RPS6KA2: variants seen among roughly 807,000 people sequenced by gnomAD.
The protein encoded by RPS6KA2 is ribosomal protein S6 kinase A2, also known as ribosomal protein S6 kinase alpha-2.
A neutral mutation model predicts 91.8 loss-of-function variants in RPS6KA2; 42 were observed. That is an observed-to-expected ratio of 0.46 (90% CI 0.36 to 0.59). The LOEUF (loss-of-function observed/expected upper bound fraction) is 0.59, where lower values mean the gene tolerates loss of function less well. Ranked by LOEUF, RPS6KA2 falls within the 20% of genes least tolerant of loss-of-function variation. The pLI, the probability that RPS6KA2 is intolerant of heterozygous loss-of-function variation, is 0.00. For synonymous variants in RPS6KA2, 414 were observed against 393.6 expected (o/e 1.05, Z -0.61); for missense variants, 798 against 978.5 (o/e 0.82, Z 2.46).
chr6:166,748,533 G>A (rs1436916305), intron 2 of RPS6KA2, among the ~76,000 whole-genome samples: 222 of 137,590 alleles, frequency 1.6e-3, no homozygotes, highest in African/African-American at 3.5e-3. Flanking sequence ...CCACCTCCTC[G>A]GGCCCCCCAT....
At chr6:166,718,578 A>G (rs1790086464) in intron 2 of RPS6KA2, among the ~76,000 whole-genome samples, 1 of 152,260 alleles carries the variant, frequency 6.6e-6, no homozygotes, top group Middle Eastern at 3.2e-3. Context: ...ACAAGACACG[A>G]GTATTTGTAC....
intron 10 of RPS6KA2, among the ~76,000 whole-genome samples, chr6:166,478,358 G>A (rs890851059): frequency 2.6e-5 from 4 of 152,176 alleles, no homozygotes; most frequent in African/African-American, 9.7e-5. Flanking sequence ...TTCAGCCACC[G>A]GCAAGGTTCC....
chr6:166,736,943 A>G (rs1024554605), intron 2 of RPS6KA2, among the ~76,000 whole-genome samples: 2 of 151,992 alleles, frequency 1.3e-5, no homozygotes, highest in East Asian at 1.9e-4. Flanking sequence ...AAAATGGGAA[A>G]ATCCCTGAAG....
At chr6:166,422,034 G>A (rs1778738749) in intron 17 of RPS6KA2, among the ~76,000 whole-genome samples, 1 of 151,976 alleles carries the variant, frequency 6.6e-6, no homozygotes, top group African/African-American at 2.4e-5. Flanking sequence ...TGAGTAGCTG[G>A]GACTGTGGGC....
chr6:166,480,515 A>ATAAT (rs1438315609), intron 10 of RPS6KA2, among the ~76,000 whole-genome samples: 1 of 84,366 alleles, frequency 1.2e-5, no homozygotes, highest in African/African-American at 6.1e-5. Context: ...ATATATATAT[A>ATAAT]ATATATTTTT....
intron 2 of RPS6KA2, among the ~76,000 whole-genome samples, chr6:166,798,766 C>T (rs2128617113): frequency 6.6e-6 from 1 of 152,344 alleles, no homozygotes; most frequent in East Asian, 1.9e-4. Flanking sequence ...TTACAATCTC[C>T]TGCCCCCTTC....
At chr6:166,656,499 C>T (rs538122279) in intron 2 of RPS6KA2, among the ~76,000 whole-genome samples, 4 of 152,364 alleles carry the variant, frequency 2.6e-5, no homozygotes, top group Non-Finnish European at 4.4e-5. Context: ...AGGCCTGTGC[C>T]TCCTGAATGA....
chr6:166,608,421 T>A (rs1159318498), intron 1 of RPS6KA2, among the ~76,000 whole-genome samples: 1 of 152,240 alleles, frequency 6.6e-6, no homozygotes, highest in East Asian at 1.9e-4. Context: ...AATGCTTGAC[T>A]CAAAATTCTT....
intron 1 of RPS6KA2, among the ~76,000 whole-genome samples, chr6:166,574,530 G>A (rs922772795): frequency 6.6e-6 from 1 of 152,192 alleles, no homozygotes; most frequent in African/African-American, 2.4e-5. Flanking sequence ...TCACGTATAT[G>A]TACCACATTT....
At position 166,745,213 on chromosome 6, in the gene RPS6KA2, G is replaced by A. The variant is rs144822675; in HGVS notation, c.123+112987C>T. On this transcript the variant is annotated intron_variant, in intron 2 of 21. Transcript: ENST00000503859. The stretch of plus-strand genomic sequence containing the variant: ...GTTGCCCAGGCTGGAGTGCAGTGGC[G>A]CCATCTCGGCTCACTGCAACCTCTG... 3.8e-3 allele frequency among the ~76,000 whole-genome samples: 567 copies of A among 148,968 alleles called. 3 individuals are homozygous for A. The highest frequency in any genetic ancestry group is 0.013 in the African/African-American group (518 of 40,242).
intron 10 of RPS6KA2, 131 bp from the exon 11 acceptor site, chr6:166,470,036 C>T: frequency 2.5e-6 from 2 of 793,380 alleles, no homozygotes; most frequent in Non-Finnish European, 4.2e-6. Context: ...AGGCTGCTCA[C>T]TCCTGCCCAA....
intron 2 of RPS6KA2, among the ~76,000 whole-genome samples, chr6:166,671,446 G>A (rs1377091055): frequency 1.3e-5 from 2 of 152,104 alleles, no homozygotes; most frequent in Non-Finnish European, 2.9e-5. Flanking sequence ...CACTACTCCT[G>A]GAGCCCCCAT....
upstream of RPS6KA2, among the ~76,000 whole-genome samples, chr6:166,628,634 G>C (rs1007659782): frequency 6.6e-6 from 1 of 152,248 alleles, no homozygotes; most frequent in Non-Finnish European, 1.5e-5. Flanking sequence ...GAGCGGTGCT[G>C]CTCCGGAGTG....
intron 2 of RPS6KA2, chr6:166,702,749 C>G (rs1789562278): frequency 1.1e-5 from 13 of 1,235,306 alleles, no homozygotes; most frequent in African/African-American, 1.5e-5. Flanking sequence ...AGGAAGGGTC[C>G]CGACACGGGG....
chr6:166,415,061 T>C (rs752203580), intron 19 of RPS6KA2, among the ~76,000 whole-genome samples: 3 of 151,852 alleles, frequency 2.0e-5, no homozygotes, highest in Non-Finnish European at 2.9e-5. Context: ...CAAGAGTCCA[T>C]CTCAAACAAA....
chr6:166,504,427 A>G (rs1477497214), intron 6 of RPS6KA2, 79 bp downstream of exon 6: 1 of 805,998 alleles, frequency 1.2e-6, no homozygotes, highest in East Asian at 2.5e-5. Context: ...AATATCTAGC[A>G]GTGGCTACCA....
chr6:166,663,868 G>A (rs1410457503), intron 2 of RPS6KA2, among the ~76,000 whole-genome samples: 1 of 152,242 alleles, frequency 6.6e-6, no homozygotes. Context: ...GTATCAGAAA[G>A]AGCATGAGGG....
chr6:166,438,262 C>T (rs1274709776), intron 14 of RPS6KA2, among the ~76,000 whole-genome samples: 1 of 152,238 alleles, frequency 6.6e-6, no homozygotes. Flanking sequence ...GAACATCTGT[C>T]TTAATTCCGT....
chr6:166,783,289 G>A (rs1201696348), intron 2 of RPS6KA2, among the ~76,000 whole-genome samples: 2 of 151,814 alleles, frequency 1.3e-5, no homozygotes, highest in African/African-American at 2.4e-5. Flanking sequence ...GATTACCTTC[G>A]TAATGTGAGT....
Sources: allele counts gnomAD v4.1 joint callset (sites outside exome capture counted in the v4.1 genomes callset), GRCh38; gene constraint gnomAD v4.1.1; transcripts MANE v1.5; gene names NCBI Gene and HGNC (gene_info 2026-07-23, HGNC 2026-07-21).